The following ADAMTSL1 variants were observed in gnomAD, a reference collection of about 807,000 sequenced individuals.
ADAMTSL1 encodes ADAMTS like 1.
In ADAMTSL1, 126 loss-of-function variants were observed where a neutral mutation model predicts 201.8. The ratio of observed to expected loss-of-function variants is 0.62; its 90% confidence interval spans 0.54 to 0.72. The LOEUF (loss-of-function observed/expected upper bound fraction) is 0.72, where lower values mean the gene tolerates loss of function less well. Ranked by LOEUF, ADAMTSL1 falls within the 30% of genes least tolerant of loss-of-function variation. The pLI is 0.00. For missense variants in ADAMTSL1, 2,679 were observed against 2,277.8 expected, an observed-to-expected ratio of 1.18 and a Z score of -3.59; for synonymous variants, 1,121 against 903.4, an observed-to-expected ratio of 1.24 and a Z score of -4.32.
chr9:18,313,687 G>C (rs1234921666), intron 2 of ADAMTSL1, among the ~76,000 whole-genome samples: 3 of 152,174 alleles, frequency 2.0e-5, no homozygotes, highest in Non-Finnish European at 4.4e-5. Context: ...CAACAGTCCT[G>C]AAACTGTAAA....
At chr9:18,891,467 C>T (rs1317906109) in intron 25 of ADAMTSL1, among the ~76,000 whole-genome samples, 5 of 152,180 alleles carry the variant, frequency 3.3e-5, no homozygotes, top group Admixed American at 3.3e-4. Flanking sequence ...ACAGGGTGCA[C>T]ACATGCAACA....
chr9:18,257,462 T>G (rs1039318958), intron 2 of ADAMTSL1, among the ~76,000 whole-genome samples: 1 of 151,942 alleles, frequency 6.6e-6, no homozygotes, highest in Non-Finnish European at 1.5e-5. Context: ...AACACAACAA[T>G]GAAATATCAC....
chr9:18,262,485 A>G (rs948574814), intron 2 of ADAMTSL1, among the ~76,000 whole-genome samples: 1 of 152,370 alleles, frequency 6.6e-6, no homozygotes. Flanking sequence ...AGCATATCGT[A>G]TAAGAGACAT....
At chr9:18,840,782 T>C (rs1825665461) in intron 23 of ADAMTSL1, among the ~76,000 whole-genome samples, 2 of 150,202 alleles carry the variant, frequency 1.3e-5, no homozygotes, top group Admixed American at 6.6e-5. Flanking sequence ...CTAGGTATTT[T>C]ATTCTCTTTG....
At chr9:17,952,863 C>G (rs534030940) in intron 1 of ADAMTSL1, among the ~76,000 whole-genome samples, 7 of 151,984 alleles carry the variant, frequency 4.6e-5, no homozygotes, top group African/African-American at 1.7e-4. Flanking sequence ...TAAATCTGTA[C>G]GCTATGAGAT....
At chr9:18,399,262 G>T (rs1817868683) in intron 2 of ADAMTSL1, among the ~76,000 whole-genome samples, 1 of 91,246 alleles carries the variant, frequency 1.1e-5, no homozygotes. Context: ...AATTTCTTTA[G>T]TTCCTCTGTC....
intron 23 of ADAMTSL1, among the ~76,000 whole-genome samples, chr9:18,887,609 C>A (rs182045649): frequency 6.6e-6 from 1 of 152,188 alleles, no homozygotes; most frequent in East Asian, 1.9e-4. Flanking sequence ...CTTTTGTTAT[C>A]CAGTAATTTT....
At chr9:18,495,659 A>C (rs1587373092) in intron 1 of ADAMTSL1, among the ~76,000 whole-genome samples, 1 of 152,358 alleles carries the variant, frequency 6.6e-6, no homozygotes, top group African/African-American at 2.4e-5. Flanking sequence ...TATTGAAGGT[A>C]CAAAGATATG....
In ADAMTSL1 at chr9:18,491,224, T is replaced by C. The variant is rs79139648; in HGVS notation, c.64-13605T>C. 2.6e-5 allele frequency among the ~76,000 whole-genome samples: 4 copies of C among 152,338 alleles called. No homozygotes were observed. In the East Asian group the frequency reaches 7.7e-4, roughly 29 times the overall value. ...ATTACAAAACAGGCTTTAAAAAAGA[T>C]GCCTGTGGTGTGCCTCAGCATTCTT... is the stretch of plus-strand genomic sequence containing the variant. On this transcript the variant is annotated intron_variant, in intron 1 of 28. Transcript: ENST00000380548.
chr9:18,798,401 C>T lies in ADAMTSL1; in HGVS notation c.3805+2877C>T, dbSNP rs141689816. Among the ~76,000 whole-genome samples the T allele has an allele frequency of 3.2e-3, 489 of 152,194 alleles. 4 individuals are homozygous for T. The highest frequency in any genetic ancestry group is 0.031 in the Middle Eastern group (9 of 294). ...ATAACAGCACCTGACTCAGAAAGTT[C>T]TCATGGAGATTAAATGCAATCATTC... On this transcript the variant is annotated intron_variant, in intron 20 of 28. Coordinates refer to ENST00000380548, the MANE Select transcript of ADAMTSL1 (RefSeq NM_001040272.6).
chr9:18,417,157 A>G (rs1192215687), intron 2 of ADAMTSL1, among the ~76,000 whole-genome samples: 2 of 152,012 alleles, frequency 1.3e-5, no homozygotes, highest in Non-Finnish European at 2.9e-5. Context: ...TGAAATAACC[A>G]TTGCTAAGTA....
At chr9:18,615,501 A>G (rs1310980943) in intron 4 of ADAMTSL1, among the ~76,000 whole-genome samples, 1 of 152,172 alleles carries the variant, frequency 6.6e-6, no homozygotes, top group Admixed American at 6.5e-5. Flanking sequence ...ACCACTCACT[A>G]TTGCCATATA....
chr9:18,377,816 C>T (rs1211834586), intron 2 of ADAMTSL1, among the ~76,000 whole-genome samples: 1 of 152,136 alleles, frequency 6.6e-6, no homozygotes, highest in Non-Finnish European at 1.5e-5. Flanking sequence ...GATCCGCCCA[C>T]CTCAGCCTCC....
intron 2 of ADAMTSL1, among the ~76,000 whole-genome samples, chr9:18,316,076 C>A (rs1834382295): frequency 1.3e-5 from 2 of 152,128 alleles, no homozygotes; most frequent in African/African-American, 4.8e-5. Flanking sequence ...CCACAAGCTG[C>A]AAAAACCAGC....
intron 3 of ADAMTSL1, among the ~76,000 whole-genome samples, chr9:18,540,266 T>C (rs974651883): frequency 5.3e-5 from 8 of 152,218 alleles, no homozygotes; most frequent in African/African-American, 1.9e-4. Flanking sequence ...TAGTGTGAGA[T>C]GCAGATGATA....
intron 19 of ADAMTSL1, among the ~76,000 whole-genome samples, chr9:18,779,050 C>T (rs1162588605): frequency 6.6e-6 from 1 of 152,242 alleles, no homozygotes; most frequent in African/African-American, 2.4e-5. Flanking sequence ...GTTCCAGGCA[C>T]TATGCCAAGT....
rs549139393 is a variant in ADAMTSL1 at position 18,607,501 on chromosome 9, C to T, written c.475-14742C>T. On this transcript the variant is annotated intron_variant, in intron 4 of 28. Transcript: ENST00000380548. ...AATGACTCAAAATTTTTTTAATTGA[C>T]GCTGTATTATGCAATACATTTGAAA... is the stretch of plus-strand genomic sequence containing the variant. 9.2e-5 allele frequency among the ~76,000 whole-genome samples: 14 copies of T among 151,834 alleles called. No individual in the cohort carries two copies. The East Asian group carries it at 1.5e-3, about 17-fold the overall frequency.
chr9:18,906,736 A>G lies in ADAMTSL1; in HGVS notation c.5006A>G (p.His1669Arg). The G allele has an allele frequency of 6.2e-7, 1 of 1,612,882 alleles. No individual in the cohort carries two copies. The highest frequency in any genetic ancestry group is 1.3e-5 in the African/African-American group (1 of 74,992). The change falls in exon 28 of 29, where the codon CAC becomes CGC. Residue 1669 changes from histidine to arginine, a missense_variant. Physicochemically the swap from His to Arg is conservative, Grantham distance 29. Coordinates refer to ENST00000380548, the MANE Select transcript of ADAMTSL1 (RefSeq NM_001040272.6). ...TGCTGGTCAGAGGCCTGCAGTGTAC[A>G]CTGGAGAGTCAGCCTGTGGACCCTG... ...QNCWSEACSV[H>R]WRVSLWTLCT...
At chr9:18,156,186 A>G (rs1336094645) in intron 1 of ADAMTSL1, among the ~76,000 whole-genome samples, 1 of 152,014 alleles carries the variant, frequency 6.6e-6, no homozygotes, top group Non-Finnish European at 1.5e-5. Flanking sequence ...TCATGGCCTC[A>G]GTGCAAACAA....
Sources: allele counts gnomAD v4.1 joint callset (sites outside exome capture counted in the v4.1 genomes callset), GRCh38; gene constraint gnomAD v4.1.1; transcripts MANE v1.5; gene names NCBI Gene and HGNC (gene_info 2026-07-23, HGNC 2026-07-21).